Variants in GAREM1 observed in about 807,000 individuals in gnomAD.
GAREM1 encodes GRB2 associated regulator of MAPK1 subtype 1.
GAREM1 carries 26 observed loss-of-function variants against 71.3 expected under a neutral mutation model. The observed-to-expected ratio is 0.36, with a 90% CI of 0.27 to 0.51. GAREM1 has a LOEUF of 0.51. Ranked by LOEUF, GAREM1 falls within the 20% of genes least tolerant of loss-of-function variation. The probability of loss-of-function intolerance (pLI) is 0.95; values close to 1 mark genes in which losing one functional copy is unlikely to be tolerated. For missense variants in GAREM1, 1,026 were observed against 1,103.1 expected (o/e 0.93, Z 0.99); for synonymous variants, 440 against 433.2 (o/e 1.02, Z -0.20).
chr18:32,386,758 G>A (rs2048150969), intron 2 of GAREM1, among the ~76,000 whole-genome samples: 1 of 152,106 alleles, frequency 6.6e-6, no homozygotes, highest in Non-Finnish European at 1.5e-5. Flanking sequence ...GATCCATTTG[G>A]TTTCTCAAAG....
At chr18:32,431,577 G>A (rs2048624898) in intron 1 of GAREM1, among the ~76,000 whole-genome samples, 1 of 152,076 alleles carries the variant, frequency 6.6e-6, no homozygotes, top group Non-Finnish European at 1.5e-5. Flanking sequence ...GCAGTGAGCC[G>A]AGATCACGCC....
At chr18:32,293,660 A>G (rs905265728) in intron 3 of GAREM1, among the ~76,000 whole-genome samples, 6 of 152,336 alleles carry the variant, frequency 3.9e-5, no homozygotes, top group Middle Eastern at 6.8e-3. Flanking sequence ...TAAGGAGGTG[A>G]TTAAGGAGGT....
At chr18:32,299,771 A>G (rs2047182034) in intron 3 of GAREM1, among the ~76,000 whole-genome samples, 1 of 152,150 alleles carries the variant, frequency 6.6e-6, no homozygotes, top group Non-Finnish European at 1.5e-5. Flanking sequence ...GTGATTGCCA[A>G]TTTACAGCCT....
intron 1 of GAREM1, among the ~76,000 whole-genome samples, chr18:32,467,624 T>A (rs936931269): frequency 6.6e-6 from 1 of 152,244 alleles, no homozygotes; most frequent in African/African-American, 2.4e-5. Context: ...TTAGATTTTT[T>A]AATGTTCTTT....
At chr18:32,390,348 T>A (rs776784684) in intron 2 of GAREM1, among the ~76,000 whole-genome samples, 3 of 152,172 alleles carry the variant, frequency 2.0e-5, no homozygotes, top group Non-Finnish European at 4.4e-5. Flanking sequence ...TATTTGTACC[T>A]CAAAACTTCT....
intron 1 of GAREM1, among the ~76,000 whole-genome samples, chr18:32,407,424 ACT>A (rs1011985451): frequency 5.3e-5 from 8 of 152,132 alleles, no homozygotes; most frequent in African/African-American, 1.9e-4. Flanking sequence ...CAAGAGTGAA[ACT>A]CTGTCTCAAA....
chr18:32,352,352 G>GGGC (rs2047760895), intron 2 of GAREM1, among the ~76,000 whole-genome samples: 1 of 152,180 alleles, frequency 6.6e-6, no homozygotes, highest in Non-Finnish European at 1.5e-5. Context: ...GCGACACCTG[G>GGGC]GGCGGCAAGA....
intron 3 of GAREM1, among the ~76,000 whole-genome samples, chr18:32,305,870 C>T (rs1043111737): frequency 6.6e-6 from 1 of 152,178 alleles, no homozygotes; most frequent in African/African-American, 2.4e-5. Context: ...CTCTAGGGCA[C>T]ATTCCATCAA....
chr18:32,416,300 C>T (rs560822535), intron 1 of GAREM1, among the ~76,000 whole-genome samples: 2 of 152,196 alleles, frequency 1.3e-5, no homozygotes, highest in Admixed American at 6.5e-5. Context: ...TTACTCAAAG[C>T]AATCTGCAGA....
At position 32,379,097 on chromosome 18, in the gene GAREM1, C is replaced by A. The variant is rs549164194; in HGVS notation, c.262+13798G>T. Among the ~76,000 whole-genome samples the A allele has an allele frequency of 7.2e-5, 11 of 152,104 alleles. No individual in the cohort carries two copies. The East Asian group carries it at 1.7e-3, about 24-fold the overall frequency. On this transcript the variant is annotated intron_variant, in intron 2 of 5. Transcript: ENST00000269209. Reference sequence around the variant, plus strand: ...AGATGGTAGGACCTTGGCTAAGGTCCCAAAGCCTGCTTTCCTCATCCAGAA... The same window carrying A: ...AGATGGTAGGACCTTGGCTAAGGTCACAAAGCCTGCTTTCCTCATCCAGAA...
intron 2 of GAREM1, among the ~76,000 whole-genome samples, chr18:32,312,385 T>G (rs1356093162): frequency 6.6e-6 from 1 of 152,024 alleles, no homozygotes; most frequent in East Asian, 1.9e-4. Context: ...ATTCCTCTCA[T>G]GAATGGTGAG....
chr18:32,371,536 G>A (rs1205451548), intron 2 of GAREM1, among the ~76,000 whole-genome samples: 1 of 152,176 alleles, frequency 6.6e-6, no homozygotes, highest in East Asian at 1.9e-4. Flanking sequence ...GGATGTGGGG[G>A]ATGAAGTCGT....
chr18:32,319,872 T>C (rs2047413328), intron 2 of GAREM1, among the ~76,000 whole-genome samples: 1 of 152,222 alleles, frequency 6.6e-6, no homozygotes, highest in African/African-American at 2.4e-5. Flanking sequence ...CATTATTTCA[T>C]CCCATGCATA....
rs115770557 is a variant in GAREM1, at chr18:32,452,090, C to G, written c.121+18218G>C. On this transcript the variant is annotated intron_variant, in intron 1 of 5. Coordinates refer to ENST00000269209, the MANE Select transcript of GAREM1 (RefSeq NM_001242409.2). ...GAGAAGGAGAAGAGATGGAGGTCATCATTAGCTAGCCAAGACGTGCACAAT... is the reference window on the plus strand; with the variant it reads ...GAGAAGGAGAAGAGATGGAGGTCATGATTAGCTAGCCAAGACGTGCACAAT... 6.2e-3 allele frequency among the ~76,000 whole-genome samples: 947 copies of G among 152,268 alleles called. 11 individuals carry two copies. Among genetic ancestry groups the G allele is most frequent in the African/African-American group, 0.021 (884 of 41,556 alleles).
At chr18:32,293,308 G>C (rs2047106074) in intron 3 of GAREM1, among the ~76,000 whole-genome samples, 1 of 152,028 alleles carries the variant, frequency 6.6e-6, no homozygotes, top group Non-Finnish European at 1.5e-5. Context: ...GGTGTGCTTG[G>C]AACATTTTGT....
At chr18:32,293,562 T>C (rs978470278) in intron 3 of GAREM1, among the ~76,000 whole-genome samples, 1 of 152,234 alleles carries the variant, frequency 6.6e-6, no homozygotes, top group African/African-American at 2.4e-5. Flanking sequence ...TCATTATTTA[T>C]TACTATTATA....
At chr18:32,361,561 C>T (rs2047866128) in intron 2 of GAREM1, among the ~76,000 whole-genome samples, 1 of 152,130 alleles carries the variant, frequency 6.6e-6, no homozygotes, top group African/African-American at 2.4e-5. Context: ...TGATTTTACA[C>T]AGAGAATTAG....
intron 2 of GAREM1, among the ~76,000 whole-genome samples, chr18:32,312,689 G>A (rs1019806645): frequency 1.3e-5 from 2 of 152,180 alleles, no homozygotes; most frequent in African/African-American, 4.8e-5. Flanking sequence ...AGTATGATGG[G>A]AGAAGAAACA....
chr18:32,354,095 T>G (rs543180456), intron 2 of GAREM1, among the ~76,000 whole-genome samples: 1 of 152,180 alleles, frequency 6.6e-6, no homozygotes, highest in Non-Finnish European at 1.5e-5. Context: ...TCATGAGCAT[T>G]ACAAGGTAGC....
Sources: allele counts gnomAD v4.1 joint callset (sites outside exome capture counted in the v4.1 genomes callset), GRCh38; gene constraint gnomAD v4.1.1; transcripts MANE v1.5; gene names NCBI Gene and HGNC (gene_info 2026-07-23, HGNC 2026-07-21).